The following OVCH1 variants were observed in gnomAD, a reference collection of about 807,000 sequenced individuals.
OVCH1 encodes the protein ovochymase 1.
In OVCH1, 139 loss-of-function variants were observed where a neutral mutation model predicts 138.4. The ratio of observed to expected loss-of-function variants is 1.00; its 90% CI spans 0.87 to 1.16. The LOEUF (loss-of-function observed/expected upper bound fraction) is 1.16, where lower values mean the gene tolerates loss of function less well. Among genes scored for constraint, OVCH1 ranks in the 50% most tolerant of loss-of-function variants. The probability of loss-of-function intolerance (pLI) is 0.00; values close to 1 mark genes in which losing one functional copy is unlikely to be tolerated. For missense variants in OVCH1, 1,367 were observed against 1,357.9 expected, an observed-to-expected ratio of 1.01 and a Z score of -0.11; for synonymous variants, 453 against 467.8, an observed-to-expected ratio of 0.97 and a Z score of 0.41.
chr12:29,445,435 A>G, intron 22 of OVCH1, 32 bp from the exon 23 acceptor site: 1 of 1,577,072 alleles, frequency 6.3e-7, no homozygotes, highest in Non-Finnish European at 8.6e-7. Context: ...AGTAAAAAAT[A>G]AGAATGAAAA....
In OVCH1 at chr12:29,484,892, A is replaced by G. The variant is rs1285367031; in HGVS notation, c.995+1354T>C. On this transcript the variant is annotated intron_variant, in intron 8 of 27. Coordinates refer to ENST00000318184, the Ensembl canonical transcript of OVCH1. ...AGGCCAGTCTGAAGCTGTACGATTT[A>G]TATTAGTCATTTCATCGATATTTAT... 2.6e-5 allele frequency among the ~76,000 whole-genome samples: 4 copies of G among 152,314 alleles called. No individual in the cohort carries two copies. In the East Asian group the frequency reaches 7.7e-4, roughly 29 times the overall value.
exon 24 of OVCH1, chr12:29,444,255 T>C: frequency 6.2e-7 from 1 of 1,612,224 alleles, no homozygotes; most frequent in Non-Finnish European, 8.5e-7. Flanking sequence ...TTTGGGAAAG[T>C]CTGGTTATTT....
intron 17 of OVCH1, 110 bp from the exon 18 acceptor site, chr12:29,464,812 A>T (rs1346219112): frequency 1.1e-6 from 1 of 929,468 alleles, no homozygotes. Flanking sequence ...ACATACATAA[A>T]CAATGCAGAA....
intron 5 of OVCH1, among the ~76,000 whole-genome samples, chr12:29,490,089 G>T: frequency 6.6e-6 from 1 of 151,962 alleles, no homozygotes; most frequent in Non-Finnish European, 1.5e-5. Flanking sequence ...TTTAAGACAA[G>T]GTGTCCCTCT....
rs1447757228 is a variant in OVCH1, at chr12:29,497,533, C to T, written c.64+90G>A. 3.0e-5 allele frequency: 45 copies of T among 1,486,748 alleles called. 1 individual carries two copies. The East Asian group carries it at 9.4e-4, about 31-fold the overall frequency. 92.1% of individuals were successfully genotyped at this position (1,486,748 alleles called of 1,614,324 possible). On this transcript the variant is annotated intron_variant, in intron 1 of 27. Transcript: ENST00000318184. ...TGCCTCAGGTGTGGCTATACCACCCCGACTTCCTGAGGCAAGGAGTAATGA... is the reference window on the plus strand; with the variant it reads ...TGCCTCAGGTGTGGCTATACCACCCTGACTTCCTGAGGCAAGGAGTAATGA...
At chr12:29,476,072 T>A (rs1942699851) in intron 13 of OVCH1, 134 bp downstream of exon 13, 1 of 730,250 alleles carries the variant, frequency 1.4e-6, no homozygotes, top group African/African-American at 1.7e-5. Flanking sequence ...GCTAAAGTTG[T>A]ATGGCATTCT....
intron 3 of OVCH1, among the ~76,000 whole-genome samples, chr12:29,415,939 T>A (rs73069506): frequency 0.025 from 3,874 of 152,018 alleles, 73 homozygotes; most frequent in Middle Eastern, 0.061. Flanking sequence ...TGTGAAAGGA[T>A]AGAAACATAG....
chr12:29,466,387 TA>T, intron 16 of OVCH1, among the ~76,000 whole-genome samples: 1 of 152,266 alleles, frequency 6.6e-6, no homozygotes, highest in South Asian at 2.1e-4. Flanking sequence ...AGAATATGTT[TA>T]AAAAATTATA....
At chr12:29,413,285 T>G (rs899209191) in intron 3 of OVCH1, among the ~76,000 whole-genome samples, 1 of 152,138 alleles carries the variant, frequency 6.6e-6, no homozygotes, top group African/African-American at 2.4e-5. Context: ...CCCACGACAA[T>G]AGGAACATAT....
intron 27 of OVCH1, chr12:29,427,715 G>A: frequency 6.6e-7 from 1 of 1,522,350 alleles, no homozygotes; most frequent in Non-Finnish European, 8.8e-7. Flanking sequence ...CAGCTTGAAT[G>A]GGGTGATAGC....
At chr12:29,440,525 G>A (rs772116797) in intron 25 of OVCH1, 8 of 295,516 alleles carry the variant, frequency 2.7e-5, no homozygotes, top group Middle Eastern at 4.2e-4. Context: ...CAAATAAAAT[G>A]CAAGCTTGGT....
At chr12:29,474,669 G>C (rs1942641838) in intron 14 of OVCH1, among the ~76,000 whole-genome samples, 2 of 152,258 alleles carry the variant, frequency 1.3e-5, no homozygotes, top group South Asian at 2.1e-4. Context: ...CTTTTTGTCT[G>C]AGTAGCACGT....
At chr12:29,405,035 A>C in the OVCH1 span, among the ~76,000 whole-genome samples, 4 of 147,674 alleles carry the variant, frequency 2.7e-5, no homozygotes, top group Non-Finnish European at 4.5e-5. Flanking sequence ...AAAAAAAAAA[A>C]AAAAAAAAAA....
At chr12:29,455,013 C>G in intron 20 of OVCH1, 80 bp from the exon 21 acceptor site, 6 of 1,270,602 alleles carry the variant, frequency 4.7e-6, no homozygotes, top group Non-Finnish European at 6.6e-6. Context: ...CAGCCACTAT[C>G]AAAAGAAACA....
At chr12:29,414,479 T>TTTG (rs1941006131) in intron 3 of OVCH1, among the ~76,000 whole-genome samples, 2 of 152,216 alleles carry the variant, frequency 1.3e-5, no homozygotes, top group African/African-American at 4.8e-5. Context: ...CAGCAAGCAT[T>TTTG]CCAGAAAATA....
At chr12:29,456,287 C>A (rs7296302) in intron 19 of OVCH1, among the ~76,000 whole-genome samples, 30,103 of 151,998 alleles carry the variant, frequency 0.2, 3,681 homozygotes, top group African/African-American at 0.35. Flanking sequence ...CATTAATGGA[C>A]CTACCTTAAA....
chr12:29,439,712 C>T (rs1054085245), intron 25 of OVCH1, among the ~76,000 whole-genome samples, 141 bp downstream of exon 26: 1 of 152,144 alleles, frequency 6.6e-6, no homozygotes. Flanking sequence ...GCTCTCACTC[C>T]CCACTTCAGA....
At chr12:29,476,678 G>A (rs1288604625) in intron 12 of OVCH1, among the ~76,000 whole-genome samples, 2 of 151,914 alleles carry the variant, frequency 1.3e-5, no homozygotes, top group African/African-American at 4.8e-5. Flanking sequence ...GAAGAGCTCT[G>A]TGGGCTCATC....
chr12:29,442,660 T>C (rs879801393), intron 25 of OVCH1, among the ~76,000 whole-genome samples: 4 of 151,810 alleles, frequency 2.6e-5, no homozygotes, highest in Admixed American at 2.6e-4. Context: ...AGAAATTTTA[T>C]GATGGGGAAA....
Sources: gnomAD v4.1 joint callset for allele counts (sites outside exome capture counted in the v4.1 genomes callset) on GRCh38, gnomAD v4.1.1 for gene constraint, MANE v1.5 for transcripts, NCBI Gene and HGNC (gene_info 2026-07-23, HGNC 2026-07-21) for gene names.